GAN: variants seen among roughly 807,000 people sequenced by gnomAD.
GAN encodes the protein epididymis secretory sperm binding protein.
Under a neutral mutation model 71.3 loss-of-function variants are expected in GAN, and 48 were observed. The observed-to-expected ratio is 0.67, with a 90% confidence interval of 0.53 to 0.86. GAN has a LOEUF of 0.86. Ranked by LOEUF, GAN falls within the 40% of genes least tolerant of loss-of-function variation. The probability of loss-of-function intolerance (pLI) is 0.00; values close to 1 mark genes in which losing one functional copy is unlikely to be tolerated. For missense variants in GAN, 928 were observed against 770.1 expected, an observed-to-expected ratio of 1.21 and a Z score of -2.43; for synonymous variants, 386 against 276.8, an observed-to-expected ratio of 1.39 and a Z score of -3.92.
At chr16:81,320,832 G>A (rs959131065) in intron 1 of GAN, among the ~76,000 whole-genome samples, 15 of 152,154 alleles carry the variant, frequency 9.9e-5, no homozygotes, top group Admixed American at 3.3e-4. Flanking sequence ...ACTATAAGGC[G>A]TTCCTAACAA....
intron 1 of GAN, among the ~76,000 whole-genome samples, chr16:81,327,681 T>C (rs1368792459): frequency 6.6e-6 from 1 of 152,214 alleles, no homozygotes; most frequent in Non-Finnish European, 1.5e-5. Flanking sequence ...AACATGAACT[T>C]GCTTCTGAAG....
At chr16:81,345,527 A>G (rs1346812563) in intron 1 of GAN, among the ~76,000 whole-genome samples, 4 of 152,154 alleles carry the variant, frequency 2.6e-5, no homozygotes, top group East Asian at 1.9e-4. Flanking sequence ...GTTCTCACTC[A>G]TAAGTGGAAG....
At chr16:81,370,041 C>T (rs1230380376) in intron 9 of GAN, among the ~76,000 whole-genome samples, 1 of 152,180 alleles carries the variant, frequency 6.6e-6, no homozygotes, top group Non-Finnish European at 1.5e-5. Context: ...AATGTATTTT[C>T]TTCATACCAA....
chr16:81,324,222 T>C (rs1284624828), intron 1 of GAN, among the ~76,000 whole-genome samples: 3 of 152,234 alleles, frequency 2.0e-5, no homozygotes, highest in African/African-American at 7.2e-5. Context: ...GCCTCTCTAA[T>C]ATGCCCGTTT....
chr16:81,341,291 G>A (rs1378502764), intron 1 of GAN, among the ~76,000 whole-genome samples: 2 of 152,032 alleles, frequency 1.3e-5, no homozygotes, highest in Admixed American at 6.6e-5. Flanking sequence ...GAAATACAGA[G>A]AATGCCACAA....
chr16:81,365,802 C>T (rs1016936465), intron 9 of GAN, among the ~76,000 whole-genome samples: 10 of 151,942 alleles, frequency 6.6e-5, no homozygotes, highest in Non-Finnish European at 1.5e-4. Flanking sequence ...GTAGTCTCAA[C>T]ATTTAGGGAG....
rs1288455369 is a variant in GAN, at chr16:81,383,118, TTC to T, written c.*5524_*5525del. The T allele has an allele frequency of 3.3e-5, 5 of 152,124 alleles. No homozygotes were observed. Among genetic ancestry groups the T allele is most frequent in the Non-Finnish European group, 7.4e-5 (5 of 68,014 alleles). 9.4% of individuals were successfully genotyped at this position (152,124 alleles called of 1,614,324 possible). ...CCGTAGAAAGTTTGTTCTTTTTCAGTTCTGTCATTGAAATTCTCTAAGTGATT... is the reference window on the plus strand; with the variant it reads ...CCGTAGAAAGTTTGTTCTTTTTCAGTTGTCATTGAAATTCTCTAAGTGATT... On this transcript the variant is annotated 3_prime_UTR_variant, in exon 11 of 11. Coordinates refer to ENST00000648994, the MANE Select transcript of GAN (RefSeq NM_022041.4).
rs1491313188 is a variant in GAN at position 81,384,478 on chromosome 16, A to AG, written c.*6887dup. On this transcript the variant is annotated 3_prime_UTR_variant, in exon 11 of 11. Transcript: ENST00000648994. ...TTTAAACGCCACTGCTGTGTAAAACAGGGGGCTCGATTTCCATTCTTGTTA... is the reference window on the plus strand; with the variant it reads ...TTTAAACGCCACTGCTGTGTAAAACAGGGGGGCTCGATTTCCATTCTTGTTA... The AG allele has an allele frequency of 3.3e-5, 5 of 152,160 alleles. No homozygotes were observed. Among genetic ancestry groups the AG allele is most frequent in the African/African-American group, 1.2e-4 (5 of 41,454 alleles). 9.4% of individuals were successfully genotyped at this position (152,160 alleles called of 1,614,324 possible). A position where few individuals can be genotyped will look rare whatever the true frequency, so the allele number is the denominator to read the frequency against.
chr16:81,319,136 G>A (rs1909141370), intron 1 of GAN, among the ~76,000 whole-genome samples: 1 of 150,912 alleles, frequency 6.6e-6, no homozygotes, highest in African/African-American at 2.4e-5. Flanking sequence ...AGCTATGACT[G>A]CCACTGCACT....
chr16:81,356,980 A>G lies in GAN; in HGVS notation c.829A>G (p.Thr277Ala), dbSNP rs754297500. ...CCGGGGCTACTCTGAGTGCATCGTG[A>G]CTGTTGGTGGAGAAGAGAGAGTGTA... ...KPRGYSECIV[T>A]VGGEERVSRK... is the part of the protein sequence containing the mutation. The change falls in exon 4 of 11, where the codon ACT becomes GCT. Residue 277 changes from threonine to alanine, a missense_variant. Transcript: ENST00000648994. 6.2e-7 allele frequency: 1 copy of G among 1,609,006 alleles called. No individual in the cohort carries two copies. The highest frequency in any genetic ancestry group is 1.1e-5 in the South Asian group (1 of 90,964).
Position 81,383,198 on chromosome 16 carries a change from A to C in GAN, c.*5602A>C. ...TGAAATTAAACATCAAATAAATAAA[A>C]CTACATTATATAATTATTTAGTCAG... On this transcript the variant is annotated 3_prime_UTR_variant, in exon 11 of 11. Coordinates refer to ENST00000648994, the MANE Select transcript of GAN (RefSeq NM_022041.4). The C allele has an allele frequency of 6.6e-6, 1 of 150,560 alleles. No individual in the cohort carries two copies. The highest frequency in any genetic ancestry group is 2.4e-5 in the African/African-American group (1 of 40,952). The allele number at this position is 150,560 out of a possible 1,614,324, so 9.3% of individuals were successfully genotyped here.
intron 5 of GAN, among the ~76,000 whole-genome samples, chr16:81,359,474 T>C (rs1028018723): frequency 6.6e-6 from 1 of 151,816 alleles, no homozygotes; most frequent in Non-Finnish European, 1.5e-5. Flanking sequence ...ATTTTTCTTC[T>C]CTACCAGTTT....
chr16:81,377,387 CT>C, intron 10 of GAN, 27 bp from the exon 11 acceptor site: 1 of 1,608,872 alleles, frequency 6.2e-7, no homozygotes, highest in Admixed American at 1.7e-5. Flanking sequence ...GGTACATTTT[CT>C]CACCCTTGCT....
chr16:81,359,167 C>G (rs1052973068), intron 5 of GAN, among the ~76,000 whole-genome samples: 2 of 151,202 alleles, frequency 1.3e-5, no homozygotes, highest in Non-Finnish European at 2.9e-5. Flanking sequence ...TCTAGTTTCC[C>G]TGTTGCATCT....
chr16:81,319,886 T>G (rs1909170669), intron 1 of GAN, among the ~76,000 whole-genome samples: 1 of 152,236 alleles, frequency 6.6e-6, no homozygotes, highest in Non-Finnish European at 1.5e-5. Context: ...GTTATGTAGC[T>G]CTATGCTATT....
At chr16:81,370,539 G>C (rs533159921) in intron 9 of GAN, among the ~76,000 whole-genome samples, 3 of 152,242 alleles carry the variant, frequency 2.0e-5, no homozygotes, top group African/African-American at 7.2e-5. Context: ...CCCAAGGAAG[G>C]AACAAATCAG....
intron 9 of GAN, among the ~76,000 whole-genome samples, chr16:81,367,894 C>T (rs1910913336): frequency 6.6e-6 from 1 of 152,184 alleles, no homozygotes; most frequent in Non-Finnish European, 1.5e-5. Context: ...AAAATATAGG[C>T]TTTCCTATAA....
chr16:81,346,611 A>C (rs977444665), intron 1 of GAN, among the ~76,000 whole-genome samples: 5 of 152,246 alleles, frequency 3.3e-5, no homozygotes, highest in Admixed American at 1.3e-4. Context: ...TTACCCTGAA[A>C]CCATCCCCAC....
chr16:81,316,408 A>C (rs180804186), intron 1 of GAN, among the ~76,000 whole-genome samples: 26 of 144,872 alleles, frequency 1.8e-4, no homozygotes, highest in Non-Finnish European at 3.9e-4. Context: ...AAGAAATTCA[A>C]GTGCCCTTGT....
Sources: gnomAD v4.1 joint callset for allele counts (sites outside exome capture counted in the v4.1 genomes callset) on GRCh38, gnomAD v4.1.1 for gene constraint, MANE v1.5 for transcripts, NCBI Gene and HGNC (gene_info 2026-07-23, HGNC 2026-07-21) for gene names.